FREM3: variants seen among roughly 807,000 people sequenced by gnomAD.
The protein encoded by FREM3 is FRAS1-related extracellular matrix protein 3.
A neutral mutation model predicts 129.1 loss-of-function variants in FREM3; 105 were observed. That is an observed-to-expected ratio of 0.81 (90% CI 0.69 to 0.96). FREM3 has a LOEUF of 0.96. Ranked by LOEUF, FREM3 falls within the 40% of genes least tolerant of loss-of-function variation. The pLI, the probability that FREM3 is intolerant of heterozygous loss-of-function variation, is 0.00. For synonymous variants in FREM3, 1,014 were observed against 1,044.9 expected (o/e 0.97, Z 0.57); for missense variants, 2,593 against 2,666.3 (o/e 0.97, Z 0.61).
intron 5 of FREM3, among the ~76,000 whole-genome samples, chr4:143,617,202 A>T (rs1037607891): frequency 6.6e-6 from 1 of 152,190 alleles, no homozygotes; most frequent in Non-Finnish European, 1.5e-5. Flanking sequence ...ACATTTCATT[A>T]TAGAGCAAGA....
intron 2 of FREM3, among the ~76,000 whole-genome samples, chr4:143,657,485 G>A (rs1314138946): frequency 6.6e-6 from 1 of 152,160 alleles, no homozygotes. Context: ...GCAAACAGCA[G>A]AGCTGGGACT....
At chr4:143,595,345 A>G (rs1024360946) in intron 6 of FREM3, among the ~76,000 whole-genome samples, 1 of 152,122 alleles carries the variant, frequency 6.6e-6, no homozygotes, top group Non-Finnish European at 1.5e-5. Context: ...GACAATGCCC[A>G]TTGGTCAGTA....
At chr4:143,680,307 T>C (rs952995665) in intron 2 of FREM3, among the ~76,000 whole-genome samples, 26 of 151,682 alleles carry the variant, frequency 1.7e-4, no homozygotes, top group African/African-American at 6.0e-4. Context: ...TATATCACAA[T>C]GTAATCTCCT....
At chr4:143,689,156 C>T (rs776774725) in intron 2 of FREM3, among the ~76,000 whole-genome samples, 5 of 152,002 alleles carry the variant, frequency 3.3e-5, no homozygotes, top group East Asian at 1.9e-4. Context: ...CCAGAATTTA[C>T]GACGAACTCA....
intron 2 of FREM3, among the ~76,000 whole-genome samples, chr4:143,672,496 C>A (rs557866901): frequency 3.9e-5 from 6 of 152,306 alleles, no homozygotes; most frequent in Admixed American, 6.5e-5. Flanking sequence ...TGTGGGTAAC[C>A]TGACCTTTCT....
At position 143,696,512 on chromosome 4, in the gene FREM3, G is replaced by A; in HGVS notation, c.4164C>T (p.Ile1388=). 6.5e-7 allele frequency: 1 copy of A among 1,537,560 alleles called. No homozygotes were observed. Among genetic ancestry groups the A allele is most frequent in the Non-Finnish European group, 8.7e-7 (1 of 1,146,986 alleles). Residue 1388 remains isoleucine, a synonymous_variant, in exon 1 of 8, where the codon ATC becomes ATT. Coordinates refer to ENST00000329798, the MANE Select transcript of FREM3 (RefSeq NM_001168235.2). ...CAACAATCCCTTCTTGGCCTGTGTG[G>A]ATATAGCAGATGAGGCCTCTGTTAA... ...DEINRGLICY[I]HTGQEGIVDI...
chr4:143,591,248 G>A (rs1395833201), intron 6 of FREM3, among the ~76,000 whole-genome samples: 1 of 152,184 alleles, frequency 6.6e-6, no homozygotes, highest in South Asian at 2.1e-4. Flanking sequence ...CTTCAGTTCT[G>A]CTCTTATCTT....
intron 2 of FREM3, among the ~76,000 whole-genome samples, chr4:143,636,272 C>T (rs1293227054): frequency 6.9e-6 from 1 of 145,180 alleles, no homozygotes; most frequent in Non-Finnish European, 1.5e-5. Context: ...TAAAGAGGGA[C>T]CAACATGCAC....
intron 2 of FREM3, among the ~76,000 whole-genome samples, chr4:143,659,491 T>C (rs1371761429): frequency 6.6e-6 from 1 of 152,212 alleles, no homozygotes; most frequent in Non-Finnish European, 1.5e-5. Flanking sequence ...TTGTTGGACA[T>C]TGGCATTGGT....
chr4:143,638,145 A>T (rs956692300), intron 2 of FREM3, among the ~76,000 whole-genome samples: 1 of 152,204 alleles, frequency 6.6e-6, no homozygotes, highest in Non-Finnish European at 1.5e-5. Context: ...CAGCGGAAAC[A>T]GTGTGAAATA....
intron 2 of FREM3, among the ~76,000 whole-genome samples, chr4:143,662,480 C>T (rs1330106704): frequency 2.0e-5 from 3 of 151,376 alleles, no homozygotes; most frequent in Non-Finnish European, 2.9e-5. Flanking sequence ...TGTTCTTTTA[C>T]ATTTGCTGAG....
intron 2 of FREM3, among the ~76,000 whole-genome samples, chr4:143,642,683 C>G (rs1454877308): frequency 6.6e-6 from 1 of 152,134 alleles, no homozygotes; most frequent in Non-Finnish European, 1.5e-5. Context: ...TATGCAACTA[C>G]TGGGAGAAAA....
chr4:143,650,882 A>T (rs1006400333), intron 2 of FREM3, among the ~76,000 whole-genome samples: 2 of 152,204 alleles, frequency 1.3e-5, no homozygotes, highest in African/African-American at 4.8e-5. Context: ...GCATAATCAC[A>T]ATGGACTTTT....
At chr4:143,616,111 A>G (rs1738839434) in intron 5 of FREM3, among the ~76,000 whole-genome samples, 1 of 152,246 alleles carries the variant, frequency 6.6e-6, no homozygotes, top group Non-Finnish European at 1.5e-5. Flanking sequence ...AAACATCTCT[A>G]CAAAGACAAC....
Position 143,699,595 on chromosome 4 carries a change from C to G in FREM3, c.1081G>C (p.Gly361Arg). The change falls in exon 1 of 8, where the codon GGC becomes CGC. Residue 361 changes from glycine (G) to arginine (R), a missense_variant. This residue lies in a region of FREM3 where 2,276 missense variants were observed against 2,267.2 expected (regional missense o/e 1.00). Transcript: ENST00000329798. The surrounding 1 kb of genome is among the most constrained non-coding windows in gnomAD (Gnocchi z 4.2). Reference sequence around the variant, plus strand: ...GGGTCGTCGGTGCTGACCACGTAGCCCTGTTGCCCCGGGTGCCCTGGTGGG... The same window carrying G: ...GGGTCGTCGGTGCTGACCACGTAGCGCTGTTGCCCCGGGTGCCCTGGTGGG... ...THPPGHPGQQ[G>R]YVVSTDDPLG... The G allele has an allele frequency of 6.5e-7, 1 of 1,531,248 alleles. No homozygotes were observed. Among genetic ancestry groups the G allele is most frequent in the Non-Finnish European group, 8.7e-7 (1 of 1,143,044 alleles). 94.9% of individuals were successfully genotyped at this position (1,531,248 alleles called of 1,614,324 possible). A position where few individuals can be genotyped will look rare whatever the true frequency, so the allele number is the denominator to read the frequency against.
chr4:143,603,772 C>G (rs1015951032), intron 6 of FREM3, among the ~76,000 whole-genome samples: 1 of 152,158 alleles, frequency 6.6e-6, no homozygotes, highest in Non-Finnish European at 1.5e-5. Context: ...GTTGAAGTGA[C>G]TTGCTGTGGG....
rs750809003 is a variant in FREM3, at chr4:143,595,889, G to GGAAAA, written c.6029-9897_6029-9896insTTTTC. ...GGCGACAGAGCGAGACGCCATCTCA[G>GGAAAA]AAAAAAAAAAAAAAAGAAGGAACTG... On this transcript the variant is annotated intron_variant, in intron 6 of 7. Coordinates refer to ENST00000329798, the MANE Select transcript of FREM3 (RefSeq NM_001168235.2). Among the ~76,000 whole-genome samples the GGAAAA allele has an allele frequency of 3.2e-4, 35 of 110,664 alleles. 2 individuals are homozygous for GGAAAA. Among genetic ancestry groups the GGAAAA allele is most frequent in the South Asian group, 5.9e-4 (2 of 3,384 alleles). The allele number at this position is 110,664 out of a possible 152,430, so 72.6% of individuals were successfully genotyped here. A position where few individuals can be genotyped will look rare whatever the true frequency, so the allele number is the denominator to read the frequency against.
chr4:143,582,420 A>G (rs978776759), intron 7 of FREM3, among the ~76,000 whole-genome samples: 1 of 152,060 alleles, frequency 6.6e-6, no homozygotes, highest in African/African-American at 2.4e-5. Context: ...TTTGCATATA[A>G]CACCCTGTGA....
rs114630671 is a variant in FREM3, at chr4:143,583,996, T to C, written c.6178+1848A>G. Among the ~76,000 whole-genome samples the C allele has an allele frequency of 4.1e-3, 629 of 152,240 alleles. 2 individuals carry two copies. Among genetic ancestry groups the C allele is most frequent in the African/African-American group, 0.015 (611 of 41,532 alleles). ...AATGAAAACAGGCTAAATGACCCAATTAAAAGGCCACAGAGTTGCAAGTTA... is the reference window on the plus strand; with the variant it reads ...AATGAAAACAGGCTAAATGACCCAACTAAAAGGCCACAGAGTTGCAAGTTA... On this transcript the variant is annotated intron_variant, in intron 7 of 7. Coordinates refer to ENST00000329798, the MANE Select transcript of FREM3 (RefSeq NM_001168235.2).
Sources: allele counts gnomAD v4.1 joint callset (sites outside exome capture counted in the v4.1 genomes callset), GRCh38; gene constraint gnomAD v4.1.1; regional missense constraint gnomAD v4.1.1; non-coding constraint Gnocchi (gnomAD v3.1); transcripts MANE v1.5; gene names NCBI Gene and HGNC (gene_info 2026-07-23, HGNC 2026-07-21).